FAM13B: variants seen among roughly 807,000 people sequenced by gnomAD.
FAM13B encodes family with sequence similarity 13 member B, also known as protein FAM13B.
A neutral mutation model predicts 117.3 loss-of-function variants in FAM13B; 60 were observed. That is an observed-to-expected ratio of 0.51 (90% CI 0.42 to 0.63). The LOEUF (loss-of-function observed/expected upper bound fraction) is 0.63. Ranked by LOEUF, FAM13B falls within the 30% of genes least tolerant of loss-of-function variation. The probability of loss-of-function intolerance (pLI) is 0.00; values close to 1 mark genes in which losing one functional copy is unlikely to be tolerated. For missense variants in FAM13B, 972 were observed against 1,091.9 expected (o/e 0.89, Z 1.55); for synonymous variants, 332 against 356.1 (o/e 0.93, Z 0.76).
Position 137,989,623 on chromosome 5 carries a change from A to G in FAM13B, c.849-1308T>C, listed in dbSNP as rs1022465919. On this transcript the variant is annotated intron_variant, in intron 7 of 23. Coordinates refer to ENST00000689681, the MANE Select transcript of FAM13B (RefSeq NM_001385994.1). ...GAGGTTCACTTGAAACCAGGAATTC[A>G]AGACCAGCCTGGGCAACATAGCGAG... Among the ~76,000 whole-genome samples the G allele has an allele frequency of 1.1e-4, 17 of 152,178 alleles. No homozygotes were observed. In the South Asian group the frequency reaches 1.7e-3, roughly 15 times the overall value.
chr5:137,974,669 A>G (rs1285741782), intron 10 of FAM13B, among the ~76,000 whole-genome samples: 2 of 151,934 alleles, frequency 1.3e-5, no homozygotes, highest in East Asian at 3.9e-4. Flanking sequence ...TCTCCAAAAA[A>G]AAAAAAAAAG....
At chr5:137,962,053 CAGTT>C (rs1437217350) in intron 11 of FAM13B, among the ~76,000 whole-genome samples, 4 of 152,296 alleles carry the variant, frequency 2.6e-5, no homozygotes, top group Admixed American at 2.0e-4. Flanking sequence ...CAGTATCTCT[CAGTT>C]AGTTATACAC....
Position 137,940,125 on chromosome 5 carries a change from A to G in FAM13B, c.*100T>C. The G allele has an allele frequency of 6.2e-7, 1 of 1,614,124 alleles. No individual in the cohort carries two copies. Among genetic ancestry groups the G allele is most frequent in the Non-Finnish European group, 8.5e-7 (1 of 1,179,960 alleles). Reference sequence around the variant, plus strand: ...ACCAAGTACAAAATGAGATTCTCTGAGTGCCTGACAAAACGAATTTAAGTA... The same window carrying G: ...ACCAAGTACAAAATGAGATTCTCTGGGTGCCTGACAAAACGAATTTAAGTA... On this transcript the variant is annotated 3_prime_UTR_variant, in exon 24 of 24. Transcript: ENST00000689681.
intron 19 of FAM13B, 82 bp downstream of exon 19, chr5:137,946,146 C>T: frequency 1.5e-6 from 2 of 1,336,802 alleles, no homozygotes; most frequent in Non-Finnish European, 2.1e-6. Context: ...AAAAAACAGC[C>T]CTGAAGAATG....
rs1581029278 is a variant in FAM13B at position 137,941,188 on chromosome 5, G to A, written c.2690+756C>T. On this transcript the variant is annotated intron_variant, in intron 23 of 23. Transcript: ENST00000689681. ...CTCCCAAAGTGCTGGTATTACAGAC[G>A]TGAGCCACTGCGCCTGGCCCACTTC... Among the ~76,000 whole-genome samples, 4 of 152,220 alleles carry A rather than the reference G, an allele frequency of 2.6e-5. No homozygotes were observed. In the South Asian group the frequency reaches 8.3e-4, roughly 32 times the overall value.
chr5:137,985,235 A>G (rs1476112077), intron 10 of FAM13B, 22 bp downstream of exon 10: 1 of 1,609,854 alleles, frequency 6.2e-7, no homozygotes, highest in South Asian at 1.1e-5. Context: ...TACATCTAAC[A>G]CATATTTTTG....
At chr5:137,949,809 A>C (rs1248538734) in intron 17 of FAM13B, among the ~76,000 whole-genome samples, 1 of 151,986 alleles carries the variant, frequency 6.6e-6, no homozygotes, top group Admixed American at 6.6e-5. Context: ...AAAAAAAAAA[A>C]AAAAAGCTGA....
intron 6 of FAM13B, 44 bp from the exon 7 acceptor site, chr5:138,007,191 C>G: frequency 1.4e-6 from 2 of 1,409,176 alleles, no homozygotes; most frequent in Non-Finnish European, 1.9e-6. Context: ...GTAATGAAAC[C>G]GTTAACACAT....
At chr5:137,964,113 G>A (rs1036215068) in intron 10 of FAM13B, among the ~76,000 whole-genome samples, 1 of 152,050 alleles carries the variant, frequency 6.6e-6, no homozygotes, top group African/African-American at 2.4e-5. Context: ...CCAGGCCAGA[G>A]TGAGGCTCAT....
rs897796778 is a variant in FAM13B at position 137,962,429 on chromosome 5, T to C, written c.1220A>G (p.Asp407Gly). 1.9e-6 allele frequency: 3 copies of C among 1,613,746 alleles called. No homozygotes were observed. The highest frequency in any genetic ancestry group is 2.5e-6 in the Non-Finnish European group (3 of 1,179,848). ...CCTCTCAAGACAGCCATCTTCACTA[T>C]CACCACGGTCACTGCATGGCTCTAA... ...ILLEPCSDRGDSEDGCLEREE... is the reference protein window; with the variant it reads ...ILLEPCSDRGGSEDGCLEREE... The change falls in exon 11 of 24, where the codon GAT (aspartate) becomes GGT (glycine). Residue 407 changes from aspartate to glycine, a missense_variant. Coordinates refer to ENST00000689681, the MANE Select transcript of FAM13B (RefSeq NM_001385994.1).
chr5:138,032,347 T>C (rs547483937), intron 1 of FAM13B, among the ~76,000 whole-genome samples: 2 of 152,326 alleles, frequency 1.3e-5, no homozygotes, highest in South Asian at 2.1e-4. Flanking sequence ...AGGGGCGCAG[T>C]TGAGCCCAGA....
At chr5:138,033,427 G>A (rs1489551658), upstream of FAM13B, among the ~76,000 whole-genome samples, 1 of 152,230 alleles carries the variant, frequency 6.6e-6, no homozygotes, top group East Asian at 1.9e-4. Flanking sequence ...TCCAGGTGAG[G>A]AGCACAGAGA....
chr5:137,998,539 T>C (rs1780409671), intron 7 of FAM13B, among the ~76,000 whole-genome samples: 1 of 152,202 alleles, frequency 6.6e-6, no homozygotes, highest in Non-Finnish European at 1.5e-5. Flanking sequence ...CCATGGTTAT[T>C]AGGACTTGAA....
chr5:138,041,172 G>A (rs1484242918), intron 1 of FAM13B, among the ~76,000 whole-genome samples: 1 of 151,944 alleles, frequency 6.6e-6, no homozygotes, highest in Non-Finnish European at 1.5e-5. Context: ...TGATACTGCA[G>A]CGTATCTTCA....
chr5:138,048,628 T>C (rs1231781063), intron 1 of FAM13B, among the ~76,000 whole-genome samples: 1 of 152,170 alleles, frequency 6.6e-6, no homozygotes, highest in Non-Finnish European at 1.5e-5. Flanking sequence ...GTAAGGCACC[T>C]TTTTGCAGTG....
chr5:137,946,342 C>CAAAAAAAAAAAAAACAAAAAAAA (rs752211644), intron 18 of FAM13B, 31 bp from the exon 19 acceptor site: 4 of 919,570 alleles, frequency 4.3e-6, no homozygotes, highest in Non-Finnish European at 6.0e-6. Flanking sequence ...TAACAAAATA[C>CAAAAAAAAAAAAAACAAAAAAAA]AAAAAAAAAA....
intron 7 of FAM13B, among the ~76,000 whole-genome samples, chr5:138,006,473 G>A (rs181198402): frequency 1.7e-4 from 26 of 152,328 alleles, no homozygotes; most frequent in Admixed American, 1.4e-3. Context: ...TTCCTAAATA[G>A]TGTGCCCAGT....
intron 10 of FAM13B, among the ~76,000 whole-genome samples, chr5:137,966,047 T>G (rs1769624158): frequency 6.6e-6 from 1 of 151,978 alleles, no homozygotes; most frequent in Non-Finnish European, 1.5e-5. Context: ...GTGAATAATC[T>G]CTTTGTATCA....
chr5:137,963,588 A>C lies in FAM13B; in HGVS notation c.1180-1119T>G, dbSNP rs116655483. ...GAGTCCCTGAGACCCAAAGTGTGAG[A>C]ACCACTGATACAGAAATCAGACTTC... On this transcript the variant is annotated intron_variant, in intron 10 of 23. Transcript: ENST00000689681. Among the ~76,000 whole-genome samples the C allele has an allele frequency of 6.2e-3, 943 of 152,292 alleles. 12 individuals carry two copies. Among genetic ancestry groups the C allele is most frequent in the African/African-American group, 0.022 (909 of 41,570 alleles).
Sources: allele counts gnomAD v4.1 joint callset (sites outside exome capture counted in the v4.1 genomes callset), GRCh38; gene constraint gnomAD v4.1.1; transcripts MANE v1.5; gene names NCBI Gene and HGNC (gene_info 2026-07-23, HGNC 2026-07-21).